Variants in IFT88 observed in about 807,000 individuals in gnomAD.
IFT88 encodes intraflagellar transport protein 88 homolog.
Under a neutral mutation model 119.5 loss-of-function variants are expected in IFT88, and 74 were observed. That is an observed-to-expected ratio of 0.62 (90% CI 0.51 to 0.75). The LOEUF (loss-of-function observed/expected upper bound fraction) is 0.75, where lower values mean the gene tolerates loss of function less well. Among genes scored for constraint, IFT88 ranks in the 30% least tolerant of loss-of-function variants. The pLI is 0.00. For synonymous variants in IFT88, 279 were observed against 316.7 expected (o/e 0.88, Z 1.26); for missense variants, 961 against 977.7 (o/e 0.98, Z 0.23).
At position 20,656,205 on chromosome 13, in the gene IFT88, C is replaced by G. The variant is rs2052764759; in HGVS notation, c.2003-160C>G. On this transcript the variant is annotated intron_variant, in intron 21 of 25. Coordinates refer to ENST00000351808, the MANE Select transcript of IFT88 (RefSeq NM_006531.5). ...CAGCCTTATTTCAAATTTATTTTAT[C>G]TATACATTTTCTTCTAAAAGTTATA... Among the ~76,000 whole-genome samples the G allele has an allele frequency of 2.0e-5, 3 of 149,074 alleles. No homozygotes were observed. The South Asian group carries it at 6.5e-4, about 32-fold the overall frequency.
At position 20,643,523 on chromosome 13, in the gene IFT88, C is replaced by T; in HGVS notation, c.1751C>T (p.Thr584Ile). The change falls in exon 19 of 26, where the codon ACC becomes ATC. Residue 584 changes from threonine to isoleucine, a missense_variant. By Grantham distance (89) the Thr-to-Ile change is moderately conservative. Coordinates refer to ENST00000351808, the MANE Select transcript of IFT88 (RefSeq NM_006531.5). ...WLMQVVSVIP[T>I]DPQVLSKLGE... Reference sequence around the variant, plus strand: ...ATGCAGGTGGTCAGTGTTATTCCAACCGATCCTCAAGTTTTATCTAAGCTA... The same window carrying T: ...ATGCAGGTGGTCAGTGTTATTCCAATCGATCCTCAAGTTTTATCTAAGCTA... The T allele has an allele frequency of 6.2e-7, 1 of 1,612,050 alleles. No homozygotes were observed. Among genetic ancestry groups the T allele is most frequent in the Non-Finnish European group, 8.5e-7 (1 of 1,178,398 alleles).
chr13:20,600,237 T>TC (rs2042373074), intron 11 of IFT88, among the ~76,000 whole-genome samples: 1 of 152,088 alleles, frequency 6.6e-6, no homozygotes, highest in African/African-American at 2.4e-5. Flanking sequence ...GCCCTTGAAG[T>TC]ACTTTTAAGC....
chr13:20,687,729 GAAAAA>G (rs911846103), intron 24 of IFT88, among the ~76,000 whole-genome samples: 1 of 146,898 alleles, frequency 6.8e-6, no homozygotes, highest in Non-Finnish European at 1.5e-5. Flanking sequence ...GTTAAAAAAA[GAAAAA>G]AAAGAAAAGA....
At chr13:20,689,195 G>T (rs2058245970) in intron 24 of IFT88, among the ~76,000 whole-genome samples, 1 of 152,182 alleles carries the variant, frequency 6.6e-6, no homozygotes, top group Admixed American at 6.5e-5. Flanking sequence ...GCCTCCCAAA[G>T]TGCTGGGATT....
In IFT88 at chr13:20,574,330, A is replaced by G. The variant is rs374225760; in HGVS notation, c.-6-50A>G. ...GCAAGACATATCTCAAAAAATATAT[A>G]TATATATTTCTTATACCAAGAACAT... On this transcript the variant is annotated intron_variant, in intron 1 of 25. Transcript: ENST00000351808. The G allele has an allele frequency of 2.8e-5, 28 of 987,650 alleles. No individual in the cohort carries two copies. In the African/African-American group the frequency reaches 3.7e-4, roughly 13 times the overall value. 61.2% of individuals were successfully genotyped at this position (987,650 alleles called of 1,614,324 possible).
rs189398630 is a variant in IFT88 at position 20,578,293 on chromosome 13, C to T, written c.90+3818C>T. Reference sequence around the variant, plus strand: ...CGATCTCCTGACCTCATGATCAGCCCGCCTCGGCCTCCCAAAGTGCTGGGA... The same window carrying T: ...CGATCTCCTGACCTCATGATCAGCCTGCCTCGGCCTCCCAAAGTGCTGGGA... On this transcript the variant is annotated intron_variant, in intron 2 of 25. Transcript: ENST00000351808. Among the ~76,000 whole-genome samples, 382 of 150,768 alleles carry T rather than the reference C, an allele frequency of 2.5e-3. 3 individuals carry two copies. Among genetic ancestry groups the T allele is most frequent in the African/African-American group, 8.8e-3 (361 of 41,038 alleles).
chr13:20,635,436 A>G (rs1402086903), intron 16 of IFT88, among the ~76,000 whole-genome samples: 1 of 152,190 alleles, frequency 6.6e-6, no homozygotes, highest in African/African-American at 2.4e-5. Flanking sequence ...CACTATCCTT[A>G]ATGATTCTGA....
intron 24 of IFT88, among the ~76,000 whole-genome samples, chr13:20,682,244 C>G (rs1379057115): frequency 3.3e-5 from 5 of 152,306 alleles, no homozygotes; most frequent in African/African-American, 1.2e-4. Context: ...TCTACCAAGT[C>G]CTGCTCTTGG....
chr13:20,604,342 T>C (rs1462291150), intron 12 of IFT88, among the ~76,000 whole-genome samples: 1 of 152,206 alleles, frequency 6.6e-6, no homozygotes, highest in East Asian at 1.9e-4. Context: ...AAAAATAATA[T>C]ATGTTGTAAA....
At position 20,653,844 on chromosome 13, in the gene IFT88, C is replaced by T. The variant is rs374616858; in HGVS notation, c.1950-32C>T. 3.8e-6 allele frequency: 5 copies of T among 1,304,952 alleles called. No individual in the cohort carries two copies. In the East Asian group the frequency reaches 9.7e-5, roughly 25 times the overall value. 80.8% of individuals were successfully genotyped at this position (1,304,952 alleles called of 1,614,324 possible). A position where few individuals can be genotyped will look rare whatever the true frequency, so the allele number is the denominator to read the frequency against. On this transcript the variant is annotated intron_variant, in intron 20 of 25. Transcript: ENST00000351808. ...AACTGAGCATCACAGATTTTTTTAT[C>T]TCTAATTTCATCTCATTTATTTATT...
intron 12 of IFT88, among the ~76,000 whole-genome samples, chr13:20,602,577 C>T (rs1346198616): frequency 6.6e-6 from 1 of 152,094 alleles, no homozygotes; most frequent in African/African-American, 2.4e-5. Context: ...GGAACCTCAA[C>T]TGTGTATAAA....
intron 23 of IFT88, among the ~76,000 whole-genome samples, chr13:20,666,392 G>C (rs7998230): frequency 0.66 from 100,957 of 152,016 alleles, 35,461 homozygotes; most frequent in East Asian, 1. Flanking sequence ...CTTGCCCTCT[G>C]TTCATCTCAT....
chr13:20,619,113 C>T (rs1238149364), intron 14 of IFT88, among the ~76,000 whole-genome samples: 3 of 152,080 alleles, frequency 2.0e-5, no homozygotes, highest in Non-Finnish European at 2.9e-5. Context: ...GCCTCGGCCT[C>T]CCAAAGTGCT....
chr13:20,645,922 C>A (rs1208278972), intron 20 of IFT88, among the ~76,000 whole-genome samples: 1 of 152,064 alleles, frequency 6.6e-6, no homozygotes, highest in Non-Finnish European at 1.5e-5. Context: ...AAATTAATTA[C>A]CAAGGATGAG....
Position 20,669,980 on chromosome 13 carries a change from A to C in IFT88, c.2176-993A>C, listed in dbSNP as rs958472954. ...GTCCTGAGTTTTAAGAGAGTATTTC[A>C]TCTTACAGAAATGAGTTAATTATTG... On this transcript the variant is annotated intron_variant, in intron 23 of 25. Transcript: ENST00000351808. Among the ~76,000 whole-genome samples the C allele has an allele frequency of 2.0e-5, 3 of 152,342 alleles. No individual in the cohort carries two copies. In the Middle Eastern group the frequency reaches 0.01, roughly 518 times the overall value.
intron 13 of IFT88, chr13:20,612,344 A>G (rs761845107): frequency 6.6e-6 from 1 of 152,202 alleles, no homozygotes; most frequent in Non-Finnish European, 1.5e-5. Context: ...CCCCTCAGGA[A>G]GAAAAGAAGA....
At chr13:20,650,525 G>C (rs1397991107) in intron 20 of IFT88, among the ~76,000 whole-genome samples, 1 of 152,126 alleles carries the variant, frequency 6.6e-6, no homozygotes, top group Non-Finnish European at 1.5e-5. Flanking sequence ...AATGGTGAAA[G>C]ACCAAAAGCT....
intron 17 of IFT88, among the ~76,000 whole-genome samples, chr13:20,640,798 C>T (rs954278655): frequency 7.2e-5 from 11 of 152,076 alleles, no homozygotes; most frequent in Non-Finnish European, 1.2e-4. Flanking sequence ...AGCTTTGTAG[C>T]ATCTTTTGGT....
At chr13:20,672,875 A>G (rs781069629) in intron 24 of IFT88, among the ~76,000 whole-genome samples, 1 of 137,402 alleles carries the variant, frequency 7.3e-6, no homozygotes. Context: ...GGAATTGTAG[A>G]TGGAGGGTCA....
Sources: gnomAD v4.1 joint callset for allele counts (sites outside exome capture counted in the v4.1 genomes callset) on GRCh38, gnomAD v4.1.1 for gene constraint, MANE v1.5 for transcripts, NCBI Gene and HGNC (gene_info 2026-07-23, HGNC 2026-07-21) for gene names.